Variants in PRDM16 observed in about 807,000 individuals in gnomAD.
PRDM16 encodes the protein histone-lysine N-methyltransferase PRDM16.
In PRDM16, 23 loss-of-function variants were observed where a neutral mutation model predicts 110.6. The observed-to-expected ratio is 0.21, with a 90% CI of 0.15 to 0.29. PRDM16 has a LOEUF of 0.29. Among genes scored for constraint, PRDM16 ranks in the 10% least tolerant of loss-of-function variants. The pLI, the probability that PRDM16 is intolerant of heterozygous loss-of-function variation, is 1.00. For missense variants in PRDM16, 1,615 were observed against 1,794.3 expected (o/e 0.90, Z 1.81); for synonymous variants, 799 against 781.8 (o/e 1.02, Z -0.37).
In PRDM16 at chr1:3,390,113, C is replaced by A. The variant is rs1223613678; in HGVS notation, c.573+4827C>A. Among the ~76,000 whole-genome samples, 1 of 152,210 alleles carries A rather than the reference C, an allele frequency of 6.6e-6. No homozygotes were observed. The highest frequency in any genetic ancestry group is 2.4e-5 in the African/African-American group (1 of 41,446). The stretch of plus-strand genomic sequence containing the variant: ...GGGACAGTTCCTGAATTTGTTTTAA[C>A]GTGAAGAAAGAAAACAAGAGCTTGG... On this transcript the variant is annotated intron_variant, in intron 4 of 16. Coordinates refer to ENST00000270722, the MANE Select transcript of PRDM16 (RefSeq NM_022114.4). This position sits in a 1 kb window ranked among gnomAD's most constrained non-coding sequence, Gnocchi z 5.0.
rs572644702 is a variant in PRDM16 at position 3,277,836 on chromosome 1, C to T, written c.438+33699C>T. 1.1e-4 allele frequency among the ~76,000 whole-genome samples: 17 copies of T among 152,334 alleles called. No individual in the cohort carries two copies. The South Asian group carries it at 2.9e-3, about 26-fold the overall frequency. On this transcript the variant is annotated intron_variant, in intron 3 of 16. Coordinates refer to ENST00000270722, the MANE Select transcript of PRDM16 (RefSeq NM_022114.4). ...ACACGAGCATATGCACATGCACACA[C>T]GTGCACAGGCACATGTGCATAACCA...
chr1:3,431,631 G>A (rs894259946), intron 15 of PRDM16, among the ~76,000 whole-genome samples: 37 of 152,232 alleles, frequency 2.4e-4, no homozygotes, highest in Admixed American at 5.9e-4. Flanking sequence ...TGAGTCCTGG[G>A]AGAGGGAGCC....
rs1380279707 is a variant in PRDM16 at position 3,290,128 on chromosome 1, G to T, written c.438+45991G>T. 4.6e-5 allele frequency among the ~76,000 whole-genome samples: 7 copies of T among 152,228 alleles called. No individual in the cohort carries two copies. Among genetic ancestry groups the T allele is most frequent in the Non-Finnish European group, 7.3e-5 (5 of 68,040 alleles). ...ACTCACAGAGTGCATGTGTCATGCT[G>T]ATGTGACAAACCCGGGCGCTGTTCT... On this transcript the variant is annotated intron_variant, in intron 3 of 16. Coordinates refer to ENST00000270722, the MANE Select transcript of PRDM16 (RefSeq NM_022114.4). The surrounding 1 kb of genome is among the most constrained non-coding windows in gnomAD (Gnocchi z 4.8).
At chr1:3,409,022 AGT>A (rs572533267) in intron 8 of PRDM16, among the ~76,000 whole-genome samples, 2 of 147,056 alleles carry the variant, frequency 1.4e-5, no homozygotes, top group South Asian at 2.2e-4. Flanking sequence ...GGGGCATGTC[AGT>A]GTGTGTGAGT....
intron 1 of PRDM16, among the ~76,000 whole-genome samples, chr1:3,096,845 G>A (rs370877699): frequency 4.6e-5 from 7 of 152,192 alleles, no homozygotes; most frequent in East Asian, 3.9e-4. Context: ...GAGTCTGGGC[G>A]GCTTCTGCCC....
chr1:3,184,864 C>A (rs1174698487), intron 1 of PRDM16, among the ~76,000 whole-genome samples: 1 of 152,166 alleles, frequency 6.6e-6, no homozygotes, highest in South Asian at 2.1e-4. Context: ...GTCCAGGCTG[C>A]GCGTGCCAGG....
chr1:3,145,228 G>A (rs1643623917), intron 1 of PRDM16, among the ~76,000 whole-genome samples: 1 of 152,166 alleles, frequency 6.6e-6, no homozygotes, highest in Non-Finnish European at 1.5e-5. Context: ...ATCTAGGAAC[G>A]TCCACGTGCA....
In PRDM16 at chr1:3,361,561, C is replaced by G. The variant is rs868543413; in HGVS notation, c.439-23591C>G. Among the ~76,000 whole-genome samples the G allele has an allele frequency of 3.9e-5, 6 of 152,374 alleles. No homozygotes were observed. In the Middle Eastern group the frequency reaches 0.014, roughly 346 times the overall value. ...AGTCCACATCCTACCCAGCTGGAACCCTGAAGCTCACCTGGGGCATAACAC... is the reference window on the plus strand; with the variant it reads ...AGTCCACATCCTACCCAGCTGGAACGCTGAAGCTCACCTGGGGCATAACAC... On this transcript the variant is annotated intron_variant, in intron 3 of 16. Transcript: ENST00000270722.
At chr1:3,158,238 G>T (rs746045472) in intron 1 of PRDM16, among the ~76,000 whole-genome samples, 171 of 152,124 alleles carry the variant, frequency 1.1e-3, no homozygotes, top group Non-Finnish European at 4.3e-4. Context: ...AGACCTCTGG[G>T]CATTCTAGAG....
chr1:3,079,278 G>A (rs1056534195), intron 1 of PRDM16, among the ~76,000 whole-genome samples: 4 of 152,142 alleles, frequency 2.6e-5, no homozygotes, highest in Non-Finnish European at 5.9e-5. Flanking sequence ...GCCCCTTCCA[G>A]CCTCACATCA....
chr1:3,387,946 C>T (rs891704792), intron 4 of PRDM16, among the ~76,000 whole-genome samples: 5 of 152,338 alleles, frequency 3.3e-5, no homozygotes, highest in East Asian at 1.9e-4. Context: ...TGCCCTCTCG[C>T]GCGCTGTGAC....
chr1:3,186,700 T>C (rs952131538), intron 2 of PRDM16: 1 of 462,134 alleles, frequency 2.2e-6, no homozygotes, highest in Non-Finnish European at 3.8e-6. Context: ...CCACGCCCAC[T>C]CTCTCCCGGA....
At position 3,434,353 on chromosome 1, in the gene PRDM16, AAG is replaced by A. The variant is rs1253093847; in HGVS notation, c.*543_*544del. 44 of 232,542 alleles carry A rather than the reference AAG, an allele frequency of 1.9e-4. No individual in the cohort carries two copies. The East Asian group carries it at 2.7e-3, about 14-fold the overall frequency. 14.4% of individuals were successfully genotyped at this position (232,542 alleles called of 1,614,324 possible). A position where few individuals can be genotyped will look rare whatever the true frequency, so the allele number is the denominator to read the frequency against. On this transcript the variant is annotated 3_prime_UTR_variant, in exon 17 of 17. Coordinates refer to ENST00000270722, the MANE Select transcript of PRDM16 (RefSeq NM_022114.4). ...AAATGACTTGCAAATTGTTTTTTAA[AAG>A]TAATTTTGCATTGCTTTGAAATTTG...
At chr1:3,249,465 AC>A (rs1051898073) in intron 3 of PRDM16, among the ~76,000 whole-genome samples, 5 of 151,734 alleles carry the variant, frequency 3.3e-5, no homozygotes, top group African/African-American at 1.2e-4. Context: ...CCGTTCCCTT[AC>A]CAGCCAGCCA....
rs151224169 is a variant in PRDM16 at position 3,361,039 on chromosome 1, C to T, written c.439-24113C>T. Among the ~76,000 whole-genome samples the T allele has an allele frequency of 1.9e-4, 29 of 152,200 alleles. No homozygotes were observed. The South Asian group carries it at 2.1e-3, about 11-fold the overall frequency. ...GAGCGAGGACACTGACTAACAACGG[C>T]GGCAGTGTCTGCGGAACAGCGTTCC... On this transcript the variant is annotated intron_variant, in intron 3 of 16. Coordinates refer to ENST00000270722, the MANE Select transcript of PRDM16 (RefSeq NM_022114.4).
intron 3 of PRDM16, among the ~76,000 whole-genome samples, chr1:3,329,294 G>A (rs1570084809): frequency 6.6e-6 from 1 of 152,248 alleles, no homozygotes; most frequent in Admixed American, 6.5e-5. Flanking sequence ...GAGTTGGGGG[G>A]CTGGGGGCCT....
At chr1:3,413,351 G>A (rs1643726927) in intron 9 of PRDM16, among the ~76,000 whole-genome samples, 1 of 152,126 alleles carries the variant, frequency 6.6e-6, no homozygotes, top group African/African-American at 2.4e-5. Context: ...AGTGGTCCTT[G>A]GAGGGGAGGA....
At chr1:3,100,468 G>A (rs1048847401) in intron 1 of PRDM16, among the ~76,000 whole-genome samples, 1 of 152,094 alleles carries the variant, frequency 6.6e-6, no homozygotes, top group Non-Finnish European at 1.5e-5. Context: ...GTGTGGGGCA[G>A]GTGAGCTGCT....
rs567718893 is a variant in PRDM16 at position 3,172,495 on chromosome 1, C to G, written c.38-13630C>G. Among the ~76,000 whole-genome samples, 367 of 152,348 alleles carry G rather than the reference C, an allele frequency of 2.4e-3. 3 individuals are homozygous for G. The highest frequency in any genetic ancestry group is 8.5e-3 in the African/African-American group (353 of 41,580). On this transcript the variant is annotated intron_variant, in intron 1 of 16. Coordinates refer to ENST00000270722, the MANE Select transcript of PRDM16 (RefSeq NM_022114.4). ...TTCAGACGGCACACGCATGTTCACACGTGCTTCCCACAGTGGCGTGTGCTT... is the reference window on the plus strand; with the variant it reads ...TTCAGACGGCACACGCATGTTCACAGGTGCTTCCCACAGTGGCGTGTGCTT...
Sources: allele counts gnomAD v4.1 joint callset (sites outside exome capture counted in the v4.1 genomes callset), GRCh38; gene constraint gnomAD v4.1.1; non-coding constraint Gnocchi (gnomAD v3.1); transcripts MANE v1.5; gene names NCBI Gene and HGNC (gene_info 2026-07-23, HGNC 2026-07-21).